Variants in ERBIN observed in about 807,000 individuals in gnomAD.
The protein encoded by ERBIN is densin-180-like protein.
Under a neutral mutation model 158.4 loss-of-function variants are expected in ERBIN, and 60 were observed. That is an observed-to-expected ratio of 0.38 (90% CI 0.31 to 0.47). ERBIN has a LOEUF of 0.47. ERBIN is among the 20% of genes least tolerant of loss of function. The pLI, the probability that ERBIN is intolerant of heterozygous loss-of-function variation, is 0.99. For synonymous variants in ERBIN, 594 were observed against 557.2 expected, an observed-to-expected ratio of 1.07 and a Z score of -0.93; for missense variants, 1,610 against 1,648.0, an observed-to-expected ratio of 0.98 and a Z score of 0.40.
chr5:65,939,035 G>A (rs1034311402), intron 1 of ERBIN, among the ~76,000 whole-genome samples: 1 of 152,162 alleles, frequency 6.6e-6, no homozygotes, highest in Non-Finnish European at 1.5e-5. Context: ...TTAGTGTGAT[G>A]TACAGTAATA....
intron 4 of ERBIN, among the ~76,000 whole-genome samples, chr5:66,003,112 A>C (rs1043537895): frequency 2.6e-5 from 4 of 152,166 alleles, no homozygotes; most frequent in African/African-American, 9.7e-5. Flanking sequence ...TGAGTTTGCA[A>C]TTTCCGGTTA....
intron 14 of ERBIN, among the ~76,000 whole-genome samples, chr5:66,032,548 T>C (rs980459686): frequency 1.3e-5 from 2 of 152,192 alleles, no homozygotes; most frequent in African/African-American, 4.8e-5. Context: ...GAAGAAGTGA[T>C]TTTTATGATA....
intron 1 of ERBIN, among the ~76,000 whole-genome samples, chr5:65,982,498 C>T (rs1750764554): frequency 6.6e-6 from 1 of 152,098 alleles, no homozygotes; most frequent in Admixed American, 6.5e-5. Flanking sequence ...ATTTGCCTTC[C>T]TCTCATATAC....
rs746436552 is a variant in ERBIN, at chr5:66,054,223, C to T, written c.2905C>T (p.Pro969Ser). ...CCCCACAAGTGGCCCACAATCTGCA[C>T]CTCAAATATATGGTCCTCCACAGTA... The part of the protein sequence containing the change: ...RGPTSGPQSA[P>S]QIYGPPQYNI... The change falls in exon 21 of 26, where the codon CCT becomes TCT. Residue 969 changes from proline to serine, a missense_variant. Transcript: ENST00000284037. 1.4e-5 allele frequency: 23 copies of T among 1,613,990 alleles called. No individual in the cohort carries two copies. The Admixed American group carries it at 1.8e-4, about 13-fold the overall frequency.
At chr5:65,964,945 T>TGTGTGTGTGTGTGTGTG (rs1244833398) in intron 1 of ERBIN, among the ~76,000 whole-genome samples, 1 of 116,604 alleles carries the variant, frequency 8.6e-6, no homozygotes, top group African/African-American at 3.6e-5. Flanking sequence ...TGTGTGTGTG[T>TGTGTGTGTGTGTGTGTG]AATTTTTTTT....
At chr5:65,998,006 TCACTTGAGG>T (rs1752616565) in intron 4 of ERBIN, among the ~76,000 whole-genome samples, 2 of 151,928 alleles carry the variant, frequency 1.3e-5, no homozygotes, top group South Asian at 4.2e-4. Flanking sequence ...GGTGGGTAGA[TCACTTGAGG>T]TCAGGAGTTC....
intron 21 of ERBIN, among the ~76,000 whole-genome samples, chr5:66,055,346 A>G (rs1460409363): frequency 6.6e-6 from 1 of 152,222 alleles, no homozygotes; most frequent in Non-Finnish European, 1.5e-5. Context: ...ATGTATTGCA[A>G]ATGTAAATAT....
intron 4 of ERBIN, among the ~76,000 whole-genome samples, chr5:66,011,048 C>T (rs1013454824): frequency 9.2e-5 from 14 of 152,186 alleles, no homozygotes; most frequent in Admixed American, 5.9e-4. Context: ...TGGAAAAGCA[C>T]TGGTCTAGGA....
At chr5:65,980,671 A>G (rs903101767) in intron 1 of ERBIN, among the ~76,000 whole-genome samples, 2 of 152,138 alleles carry the variant, frequency 1.3e-5, no homozygotes, top group African/African-American at 2.4e-5. Context: ...GAAAGCTCCT[A>G]TGACTATCGT....
intron 1 of ERBIN, among the ~76,000 whole-genome samples, chr5:65,941,780 G>A (rs986575858): frequency 3.3e-5 from 5 of 151,206 alleles, no homozygotes; most frequent in Non-Finnish European, 5.9e-5. Flanking sequence ...TCGTTTTGTC[G>A]CCCAGGCTGG....
chr5:65,940,556 G>A (rs1475961268), intron 1 of ERBIN, among the ~76,000 whole-genome samples: 2 of 129,680 alleles, frequency 1.5e-5, no homozygotes, highest in Admixed American at 7.6e-5. Flanking sequence ...CGCCCCGTCC[G>A]GGAGGTGAGG....
At chr5:65,942,327 G>A (rs999007179) in intron 1 of ERBIN, among the ~76,000 whole-genome samples, 1 of 152,088 alleles carries the variant, frequency 6.6e-6, no homozygotes, top group Non-Finnish European at 1.5e-5. Flanking sequence ...ATTTTCCTAG[G>A]TATGTTCTGA....
chr5:65,964,885 G>A (rs1011140720), intron 1 of ERBIN, among the ~76,000 whole-genome samples: 9 of 147,990 alleles, frequency 6.1e-5, no homozygotes, highest in East Asian at 2.0e-4. Flanking sequence ...GACTACAGGC[G>A]TGGGCCACCA....
chr5:65,971,714 C>T (rs1277231038), intron 1 of ERBIN, among the ~76,000 whole-genome samples: 2 of 152,126 alleles, frequency 1.3e-5, no homozygotes, highest in Non-Finnish European at 2.9e-5. Flanking sequence ...TGGTAGAAGG[C>T]GGCAGCTCCA....
rs1762384237 is a variant in ERBIN at position 66,081,517 on chromosome 5, G to A, written c.*2987G>A. On this transcript the variant is annotated 3_prime_UTR_variant, in exon 26 of 26. Transcript: ENST00000284037. ...AAATTTTTGTATATATCTAGATGAA[G>A]TAACACATAGAGGATAGATAACAAA... 6.6e-6 allele frequency: 1 copy of A among 152,026 alleles called. No individual in the cohort carries two copies. The highest frequency in any genetic ancestry group is 2.1e-4 in the South Asian group (1 of 4,834). 9.4% of individuals were successfully genotyped at this position (152,026 alleles called of 1,614,324 possible).
At position 66,008,488 on chromosome 5, in the gene ERBIN, AAAT is replaced by A. The variant is rs199743914; in HGVS notation, c.308-3556_308-3554del. ...GATGATCCAAGCATTAATTTCCACT[AAAT>A]AATATTAAGCTAATAAATACATTTT... is the stretch of plus-strand genomic sequence containing the variant. On this transcript the variant is annotated intron_variant, in intron 4 of 25. Coordinates refer to ENST00000284037, the MANE Select transcript of ERBIN (RefSeq NM_001253697.2). 1.1e-3 allele frequency among the ~76,000 whole-genome samples: 167 copies of A among 152,328 alleles called. 1 individual carries two copies. Among genetic ancestry groups the A allele is most frequent in the Admixed American group, 8.0e-3 (122 of 15,302 alleles).
intron 1 of ERBIN, among the ~76,000 whole-genome samples, chr5:65,939,474 C>A (rs895443947): frequency 6.6e-5 from 10 of 152,032 alleles, no homozygotes; most frequent in Admixed American, 1.3e-4. Flanking sequence ...CAGATCCAGC[C>A]CAGCATCTTC....
At chr5:65,970,906 T>A (rs1387308161) in intron 1 of ERBIN, among the ~76,000 whole-genome samples, 1 of 152,192 alleles carries the variant, frequency 6.6e-6, no homozygotes, top group Non-Finnish European at 1.5e-5. Flanking sequence ...AATTAGAAAC[T>A]CCTTGAGGCA....
At chr5:65,979,263 C>T (rs1231013584) in intron 1 of ERBIN, among the ~76,000 whole-genome samples, 1 of 135,870 alleles carries the variant, frequency 7.4e-6, no homozygotes, top group African/African-American at 2.6e-5. Flanking sequence ...CCTGTCTCCA[C>T]AAAAAATAAA....
Sources: gnomAD v4.1 joint callset for allele counts (sites outside exome capture counted in the v4.1 genomes callset) on GRCh38, gnomAD v4.1.1 for gene constraint, MANE v1.5 for transcripts, NCBI Gene and HGNC (gene_info 2026-07-23, HGNC 2026-07-21) for gene names.